Variants in SRFBP1 observed in about 807,000 individuals in gnomAD.
SRFBP1 encodes the protein serum response factor-binding protein 1.
Under a neutral mutation model 45.5 loss-of-function variants are expected in SRFBP1, and 47 were observed. The ratio of observed to expected loss-of-function variants is 1.03; its 90% CI spans 0.82 to 1.32. SRFBP1 has a LOEUF of 1.32. Ranked by LOEUF, SRFBP1 falls within the 40% of genes most tolerant of loss-of-function variation. The pLI is 0.00. For synonymous variants in SRFBP1, 203 were observed against 166.3 expected, an observed-to-expected ratio of 1.22 and a Z score of -1.70; for missense variants, 621 against 484.6, an observed-to-expected ratio of 1.28 and a Z score of -2.64.
downstream of SRFBP1, among the ~76,000 whole-genome samples, chr5:122,029,845 C>T (rs1470942609): frequency 6.6e-6 from 1 of 151,920 alleles, no homozygotes; most frequent in Non-Finnish European, 1.5e-5. Context: ...AAATTAAGTC[C>T]TTCATTATTT....
At chr5:121,963,577 TAGGAA>T (rs1283227802) in intron 1 of SRFBP1, among the ~76,000 whole-genome samples, 1 of 152,210 alleles carries the variant, frequency 6.6e-6, no homozygotes, top group African/African-American at 2.4e-5. Flanking sequence ...ATTTGACCTT[TAGGAA>T]ACCTTCATTA....
intron 4 of SRFBP1, among the ~76,000 whole-genome samples, chr5:122,013,611 A>G (rs1753138366): frequency 1.3e-5 from 2 of 152,150 alleles, no homozygotes. Flanking sequence ...AAAAAGAACA[A>G]AGCAAGATTT....
chr5:121,975,428 G>A (rs777383973), intron 3 of SRFBP1, 41 bp downstream of exon 3: 15 of 1,605,510 alleles, frequency 9.3e-6, no homozygotes, highest in Non-Finnish European at 1.7e-6. Context: ...ATGTTTCTGA[G>A]TATCCTGTTA....
intron 3 of SRFBP1, among the ~76,000 whole-genome samples, chr5:121,980,601 A>G (rs750763312): frequency 6.6e-6 from 1 of 152,162 alleles, no homozygotes; most frequent in Admixed American, 6.6e-5. Context: ...ATTTTTGCTT[A>G]TGGAGAAGAA....
At chr5:121,983,686 G>A (rs528949554) in intron 3 of SRFBP1, among the ~76,000 whole-genome samples, 6 of 151,648 alleles carry the variant, frequency 4.0e-5, no homozygotes, top group East Asian at 1.9e-4. Flanking sequence ...ATTTATAGGC[G>A]AAAAATGCAT....
chr5:121,965,955 TC>T (rs749110490), intron 1 of SRFBP1, among the ~76,000 whole-genome samples: 5 of 152,166 alleles, frequency 3.3e-5, no homozygotes, highest in African/African-American at 4.8e-5. Flanking sequence ...CAATTGTGAA[TC>T]GGGAGTTCAC....
chr5:121,981,516 C>G (rs1752407186), intron 3 of SRFBP1, among the ~76,000 whole-genome samples: 1 of 151,422 alleles, frequency 6.6e-6, no homozygotes, highest in South Asian at 2.1e-4. Flanking sequence ...CTCTGGCTAC[C>G]TCTCTGTTGC....
intron 3 of SRFBP1, among the ~76,000 whole-genome samples, chr5:121,988,076 C>G (rs981559644): frequency 1.6e-4 from 25 of 152,168 alleles, no homozygotes; most frequent in African/African-American, 6.0e-4. Context: ...AATAAGAGAA[C>G]TAGAATAATT....
chr5:122,058,541 TG>T (rs1293095774), intron 2 of SRFBP1, among the ~76,000 whole-genome samples: 96 of 147,678 alleles, frequency 6.5e-4, no homozygotes, highest in African/African-American at 2.4e-3. Flanking sequence ...TGTGTGTGTG[TG>T]TGTGTGTGTG....
chr5:121,991,556 T>C (rs1447017002), intron 3 of SRFBP1, among the ~76,000 whole-genome samples: 2 of 152,188 alleles, frequency 1.3e-5, no homozygotes, highest in South Asian at 2.1e-4. Flanking sequence ...ATCTGTGCAA[T>C]TGTAATAGTA....
At chr5:122,033,238 GT>G (rs1478348992), downstream of SRFBP1, among the ~76,000 whole-genome samples, 2 of 150,138 alleles carry the variant, frequency 1.3e-5, no homozygotes, top group African/African-American at 2.5e-5. Flanking sequence ...CCCTTTACCT[GT>G]TTTATGTACT....
chr5:121,995,205 A>G (rs1327913674), intron 4 of SRFBP1, among the ~76,000 whole-genome samples: 2 of 151,812 alleles, frequency 1.3e-5, no homozygotes, highest in African/African-American at 4.8e-5. Flanking sequence ...AATCAACAGA[A>G]TATACATTTT....
At chr5:121,988,286 G>A (rs551979178) in intron 3 of SRFBP1, among the ~76,000 whole-genome samples, 9 of 152,196 alleles carry the variant, frequency 5.9e-5, no homozygotes, top group South Asian at 2.1e-4. Context: ...AGTTTCTTGG[G>A]TCATGATTTC....
chr5:122,077,582 C>T (rs2152591399), downstream of SRFBP1: 3 of 1,612,738 alleles, frequency 1.9e-6, no homozygotes, highest in African/African-American at 1.3e-5. This position sits in a 1 kb window ranked among gnomAD's most constrained non-coding sequence, Gnocchi z 4.9. Flanking sequence ...GCCAGCTTCG[C>T]GGGCTCTAGA....
At chr5:121,983,608 A>G (rs978381213) in intron 3 of SRFBP1, among the ~76,000 whole-genome samples, 5 of 151,798 alleles carry the variant, frequency 3.3e-5, no homozygotes, top group Non-Finnish European at 7.4e-5. Context: ...TCATTGTACA[A>G]TTGAATTATA....
chr5:121,998,826 C>G (rs1342246901), intron 4 of SRFBP1, among the ~76,000 whole-genome samples: 1 of 152,108 alleles, frequency 6.6e-6, no homozygotes, highest in Non-Finnish European at 1.5e-5. Flanking sequence ...TAAGAACACA[C>G]CAGTGTTAGG....
intron 3 of SRFBP1, among the ~76,000 whole-genome samples, chr5:121,981,833 A>G (rs1432787237): frequency 6.6e-6 from 1 of 151,952 alleles, no homozygotes; most frequent in Non-Finnish European, 1.5e-5. Context: ...CTTTCATGCC[A>G]TTCCTGCTGC....
chr5:121,985,222 G>T (rs979403913), intron 3 of SRFBP1, among the ~76,000 whole-genome samples: 5 of 151,750 alleles, frequency 3.3e-5, no homozygotes, highest in African/African-American at 1.2e-4. Context: ...GAGGATTCAA[G>T]GAAGTCTTTC....
In SRFBP1 at chr5:122,011,686, C is replaced by T. The variant is rs374738818; in HGVS notation, c.271-7574C>T. On this transcript the variant is annotated intron_variant, in intron 4 of 7. Transcript: ENST00000339397. ...AGCTTCAAAAGTTGATCTGTGTGTC[C>T]TCATGTGTAAGACAGTGTCTTCACA... 4.9e-4 allele frequency among the ~76,000 whole-genome samples: 74 copies of T among 152,126 alleles called. 1 individual carries two copies. The highest frequency in any genetic ancestry group is 1.7e-3 in the African/African-American group (70 of 41,510).
Sources: allele counts gnomAD v4.1 joint callset (sites outside exome capture counted in the v4.1 genomes callset), GRCh38; gene constraint gnomAD v4.1.1; non-coding constraint Gnocchi (gnomAD v3.1); transcripts MANE v1.5; gene names NCBI Gene and HGNC (gene_info 2026-07-23, HGNC 2026-07-21).